IL34: variants seen among roughly 807,000 people sequenced by gnomAD.
The protein encoded by IL34 is interleukin-34.
IL34 carries 17 observed loss-of-function variants against 25.3 expected under a neutral mutation model. The observed-to-expected ratio is 0.67, with a 90% CI of 0.46 to 1.01. The LOEUF (loss-of-function observed/expected upper bound fraction) is 1.01, where lower values mean the gene tolerates loss of function less well. Ranked by LOEUF, IL34 falls within the 50% of genes least tolerant of loss-of-function variation. The probability of loss-of-function intolerance (pLI) is 0.00; values close to 1 mark genes in which losing one functional copy is unlikely to be tolerated. For synonymous variants in IL34, 174 were observed against 140.9 expected (o/e 1.23, Z -1.66); for missense variants, 368 against 312.9 (o/e 1.18, Z -1.33).
chr16:70,645,036 AGG>A (rs1216950404), upstream of IL34, among the ~76,000 whole-genome samples: 1 of 145,534 alleles, frequency 6.9e-6, no homozygotes, highest in Non-Finnish European at 1.5e-5. Context: ...GGAAAAAGGA[AGG>A]AGGACGAGGA....
chr16:70,621,587 C>G (rs542440808), intron 1 of IL34, among the ~76,000 whole-genome samples: 1 of 152,056 alleles, frequency 6.6e-6, no homozygotes, highest in Middle Eastern at 3.2e-3. Context: ...GGAGGTCCCC[C>G]GATCCGAGTC....
At chr16:70,622,252 C>G (rs1237978169) in intron 1 of IL34, among the ~76,000 whole-genome samples, 1 of 152,014 alleles carries the variant, frequency 6.6e-6, no homozygotes, top group African/African-American at 2.4e-5. Flanking sequence ...GTGAAAGTGT[C>G]TATTTAGACT....
intron 1 of IL34, among the ~76,000 whole-genome samples, chr16:70,604,811 G>A (rs1312390983): frequency 6.6e-6 from 1 of 152,188 alleles, no homozygotes; most frequent in African/African-American, 2.4e-5. Context: ...GGGACCGAGG[G>A]CCTGGGGACA....
intron 1 of IL34, among the ~76,000 whole-genome samples, chr16:70,594,814 C>T (rs1164971082): frequency 6.6e-6 from 1 of 152,064 alleles, no homozygotes; most frequent in Non-Finnish European, 1.5e-5. Flanking sequence ...CCAGTGGGTA[C>T]AGATGAGGAG....
At chr16:70,650,542 G>A (rs71401820) in intron 1 of IL34, among the ~76,000 whole-genome samples, 6,533 of 152,260 alleles carry the variant, frequency 0.043, 206 homozygotes, top group Non-Finnish European at 0.066. Context: ...TGAAGTAGAC[G>A]GCCAATGGTG....
At chr16:70,599,974 C>T (rs2050891526) in intron 1 of IL34, among the ~76,000 whole-genome samples, 1 of 152,084 alleles carries the variant, frequency 6.6e-6, no homozygotes, top group African/African-American at 2.4e-5. Context: ...GTCATGGCAC[C>T]TGACCCTGCT....
chr16:70,585,556 G>A (rs1406509067), intron 1 of IL34, among the ~76,000 whole-genome samples: 6 of 151,806 alleles, frequency 4.0e-5, no homozygotes, highest in African/African-American at 1.5e-4. Flanking sequence ...CTGGTGGTGC[G>A]CACCTGTAGT....
chr16:70,613,319 C>T (rs1371309008), intron 1 of IL34, among the ~76,000 whole-genome samples: 1 of 152,170 alleles, frequency 6.6e-6, no homozygotes, highest in Non-Finnish European at 1.5e-5. Flanking sequence ...GGCATCCCTT[C>T]TTGGCTCAGG....
At position 70,646,964 on chromosome 16, in the gene IL34, C is replaced by A. The variant is rs2051949304; in HGVS notation, c.17C>A (p.Thr6Asn). Residue 6 changes from threonine (T) to asparagine (N), a missense_variant, in exon 1 of 6, where the codon ACC becomes AAC. By Grantham distance (65) the Thr-to-Asn change is moderately conservative (BLOSUM62 0). Transcript: ENST00000288098. MPRGF[T>N]WLRYLGIFLG... is the part of the protein sequence containing the mutation. Reference sequence around the variant, plus strand: ...AACACCACCATGCCCCGGGGCTTCACCTGGCTGCGCTGTGAGTACTGGGGG... The same window carrying A: ...AACACCACCATGCCCCGGGGCTTCAACTGGCTGCGCTGTGAGTACTGGGGG... 3 of 1,464,388 alleles carry A rather than the reference C, an allele frequency of 2.0e-6. No individual in the cohort carries two copies. The highest frequency in any genetic ancestry group is 2.7e-6 in the Non-Finnish European group (3 of 1,115,664). The allele number at this position is 1,464,388 out of a possible 1,614,324, so 90.7% of individuals were successfully genotyped here. A position where few individuals can be genotyped will look rare whatever the true frequency, so the allele number is the denominator to read the frequency against.
Position 70,646,952 on chromosome 16 carries a change from C to T in IL34, c.5C>T (p.Pro2Leu), listed in dbSNP as rs778169047. 1.0e-5 allele frequency: 15 copies of T among 1,468,774 alleles called. No homozygotes were observed. The South Asian group carries it at 1.9e-4, about 18-fold the overall frequency. 91.0% of individuals were successfully genotyped at this position (1,468,774 alleles called of 1,614,324 possible). Reference protein sequence around the residue: MPRGFTWLRYLG... With the variant: MLRGFTWLRYLG... Reference sequence around the variant, plus strand: ...AGGGGGACGAGGAACACCACCATGCCCCGGGGCTTCACCTGGCTGCGCTGT... The same window carrying T: ...AGGGGGACGAGGAACACCACCATGCTCCGGGGCTTCACCTGGCTGCGCTGT... The change falls in exon 1 of 6, where the codon CCC becomes CTC. Residue 2 changes from proline (P) to leucine (L), a missense_variant. By Grantham distance (98) the Pro-to-Leu change is moderately conservative. Coordinates refer to ENST00000288098, the MANE Select transcript of IL34 (RefSeq NM_001393494.1).
Position 70,660,325 on chromosome 16 carries a change from G to A in IL34, c.*138G>A. On this transcript the variant is annotated 3_prime_UTR_variant, in exon 6 of 6. Coordinates refer to ENST00000288098, the MANE Select transcript of IL34 (RefSeq NM_001393494.1). ...CTGGGAAGGGTGTTTTTCCTTTGAG[G>A]GGGATTCTGTGCCACAGCAGGGCTC... 4 of 762,950 alleles carry A rather than the reference G, an allele frequency of 5.2e-6. No individual in the cohort carries two copies. The highest frequency in any genetic ancestry group is 2.9e-5 in the East Asian group (1 of 34,312). 47.3% of individuals were successfully genotyped at this position (762,950 alleles called of 1,614,324 possible). A position where few individuals can be genotyped will look rare whatever the true frequency, so the allele number is the denominator to read the frequency against.
At chr16:70,659,870 A>G (rs2052346940) in intron 5 of IL34, 117 bp downstream of exon 5, 2 of 1,485,688 alleles carry the variant, frequency 1.3e-6, no homozygotes, top group Non-Finnish European at 1.8e-6. Context: ...CCGGGGCTAC[A>G]AGCCATTTCT....
chr16:70,614,557 A>G (rs922140890), intron 1 of IL34, among the ~76,000 whole-genome samples: 14 of 152,166 alleles, frequency 9.2e-5, no homozygotes, highest in African/African-American at 1.7e-4. Flanking sequence ...CTGAACACGG[A>G]ACCTGTTTTG....
At chr16:70,583,803 C>T (rs2050661341) in intron 1 of IL34, among the ~76,000 whole-genome samples, 1 of 152,124 alleles carries the variant, frequency 6.6e-6, no homozygotes, top group African/African-American at 2.4e-5. Flanking sequence ...AGGTGTGCGC[C>T]ACCACGCCTG....
intron 1 of IL34, among the ~76,000 whole-genome samples, chr16:70,586,965 C>T (rs759086683): frequency 7.9e-5 from 12 of 152,318 alleles, no homozygotes; most frequent in South Asian, 2.1e-4. Flanking sequence ...CAAGATGTTG[C>T]GGGCTCATTT....
chr16:70,628,371 A>G (rs1459942097), intron 1 of IL34, among the ~76,000 whole-genome samples: 1 of 152,080 alleles, frequency 6.6e-6, no homozygotes, highest in Non-Finnish European at 1.5e-5. Context: ...TTTAGTATAT[A>G]TCTTGCACAT....
At chr16:70,647,813 G>T (rs1245627277) in intron 1 of IL34, among the ~76,000 whole-genome samples, 1 of 152,202 alleles carries the variant, frequency 6.6e-6, no homozygotes, top group African/African-American at 2.4e-5. Context: ...TACAACAAAG[G>T]GTTGGGACAT....
intron 1 of IL34, among the ~76,000 whole-genome samples, chr16:70,638,899 A>G (rs1238616333): frequency 6.6e-6 from 1 of 152,192 alleles, no homozygotes; most frequent in African/African-American, 2.4e-5. Context: ...TTGTTTTTAA[A>G]CAAATAAACT....
At chr16:70,658,947 C>T (rs1342388722) in intron 4 of IL34, among the ~76,000 whole-genome samples, 1 of 152,176 alleles carries the variant, frequency 6.6e-6, no homozygotes, top group Non-Finnish European at 1.5e-5. Context: ...TTCACGGGTA[C>T]CAAGGGGTAG....
Sources: gnomAD v4.1 joint callset for allele counts (sites outside exome capture counted in the v4.1 genomes callset) on GRCh38, gnomAD v4.1.1 for gene constraint, MANE v1.5 for transcripts, NCBI Gene and HGNC (gene_info 2026-07-23, HGNC 2026-07-21) for gene names.